HYCC2: variants seen among roughly 807,000 people sequenced by gnomAD.
The protein encoded by HYCC2 is hyccin 2.
At chr2:201,057,787 T>C in the HYCC2 span, among the ~76,000 whole-genome samples, 1 of 152,108 alleles carries the variant, frequency 6.6e-6, no homozygotes, top group Non-Finnish European at 1.5e-5. Context: ...GCATTGACCT[T>C]ACAGAGAAGT....
chr2:201,022,159 C>T, the HYCC2 span: 1 of 1,128,956 alleles, frequency 8.9e-7, no homozygotes, highest in Non-Finnish European at 1.2e-6. Flanking sequence ...CTTTCATTTT[C>T]ATTTTAAGCA....
the HYCC2 span, among the ~76,000 whole-genome samples, chr2:200,984,205 A>G: frequency 8.6e-5 from 13 of 151,846 alleles, no homozygotes; most frequent in Non-Finnish European, 1.6e-4. Context: ...ATGCTTGGCT[A>G]ATTTTTGTAT....
chr2:201,058,874 G>A, the HYCC2 span, among the ~76,000 whole-genome samples: 1 of 152,116 alleles, frequency 6.6e-6, no homozygotes, highest in Admixed American at 6.6e-5. Context: ...GTTTCCATAT[G>A]AGATTAACAT....
the HYCC2 span, chr2:200,978,285 T>C: frequency 6.6e-6 from 1 of 152,144 alleles, no homozygotes; most frequent in African/African-American, 2.4e-5. Flanking sequence ...AAGAAATCTG[T>C]TGTAAGACCC....
chr2:200,984,328 T>C, the HYCC2 span, among the ~76,000 whole-genome samples: 1 of 152,144 alleles, frequency 6.6e-6, no homozygotes, highest in East Asian at 1.9e-4. Flanking sequence ...GCATGAGCCA[T>C]CGTGCCTGGC....
chr2:201,025,896 T>C, the HYCC2 span, among the ~76,000 whole-genome samples: 1 of 152,102 alleles, frequency 6.6e-6, no homozygotes, highest in Non-Finnish European at 1.5e-5. Flanking sequence ...TTCCCATCTC[T>C]ACAAAAAAAT....
the HYCC2 span, among the ~76,000 whole-genome samples, chr2:200,999,182 A>G: frequency 4.3e-4 from 65 of 152,318 alleles, 1 homozygote; most frequent in African/African-American, 1.5e-3. Flanking sequence ...AAGAAGAAAG[A>G]CTTAAAGATA....
the HYCC2 span, among the ~76,000 whole-genome samples, chr2:201,053,445 C>T: frequency 2.6e-5 from 4 of 152,132 alleles, no homozygotes; most frequent in East Asian, 5.8e-4. Context: ...TATAGGAATG[C>T]GAAACTATCC....
the HYCC2 span, among the ~76,000 whole-genome samples, chr2:201,000,428 G>A: frequency 6.6e-6 from 1 of 152,132 alleles, no homozygotes; most frequent in Non-Finnish European, 1.5e-5. Context: ...AGCATATTTA[G>A]CTTTGGGGAA....
chr2:201,025,968 T>C, the HYCC2 span, among the ~76,000 whole-genome samples: 17 of 152,074 alleles, frequency 1.1e-4, no homozygotes, highest in Non-Finnish European at 2.2e-4. Flanking sequence ...ATAACAATAT[T>C]AACCTTAAAT....
the HYCC2 span, among the ~76,000 whole-genome samples, chr2:201,002,173 TC>T: frequency 2.7e-5 from 4 of 146,792 alleles, no homozygotes; most frequent in Non-Finnish European, 6.0e-5. Flanking sequence ...GTGGCTCACA[TC>T]TATAATCCCA....
the HYCC2 span, chr2:201,071,643 G>GC: frequency 6.5e-6 from 1 of 154,010 alleles, no homozygotes; most frequent in African/African-American, 2.4e-5. Flanking sequence ...TCCTACCGCC[G>GC]CCGCCTCCCG....
At chr2:201,066,326 G>A in the HYCC2 span, among the ~76,000 whole-genome samples, 5 of 152,032 alleles carry the variant, frequency 3.3e-5, no homozygotes, top group Admixed American at 6.5e-5. Context: ...TGCTCACCTC[G>A]GCCTCCCGAG....
chr2:201,036,385 T>C, the HYCC2 span, among the ~76,000 whole-genome samples: 1 of 152,188 alleles, frequency 6.6e-6, no homozygotes, highest in Non-Finnish European at 1.5e-5. Flanking sequence ...CCTCCCTAAC[T>C]CATTTTATGA....
chr2:201,067,328 G>A, the HYCC2 span: 1 of 152,348 alleles, frequency 6.6e-6, no homozygotes, highest in Non-Finnish European at 1.5e-5. Context: ...AACACTGTTT[G>A]AAGTTTCATG....
At chr2:201,047,524 TTCTAAGA>T in the HYCC2 span, among the ~76,000 whole-genome samples, 1 of 150,452 alleles carries the variant, frequency 6.6e-6, no homozygotes, top group Non-Finnish European at 1.5e-5. Context: ...AAATGCAATA[TTCTAAGA>T]AAGAATAACT....
chr2:201,002,775 G>A, the HYCC2 span, among the ~76,000 whole-genome samples: 4,772 of 152,032 alleles, frequency 0.031, 224 homozygotes, highest in African/African-American at 0.11. Flanking sequence ...CACCCACCTC[G>A]GCCTCCCAAA....
chr2:200,989,146 C>T, the HYCC2 span, among the ~76,000 whole-genome samples: 1 of 152,136 alleles, frequency 6.6e-6, no homozygotes, highest in African/African-American at 2.4e-5. Flanking sequence ...TTCTGTTTAT[C>T]ACGTGGCTCT....
the HYCC2 span, among the ~76,000 whole-genome samples, chr2:201,047,550 T>A: frequency 1.3e-5 from 2 of 150,974 alleles, no homozygotes; most frequent in Non-Finnish European, 2.9e-5. Context: ...CTGGGAGTTT[T>A]CAAAAACTGA....
Sources: gnomAD v4.1 joint callset for allele counts (sites outside exome capture counted in the v4.1 genomes callset) on GRCh38, gnomAD v4.1.1 for gene constraint, MANE v1.5 for transcripts, NCBI Gene and HGNC (gene_info 2026-07-23, HGNC 2026-07-21) for gene names.